Variants in LSAMP observed in about 807,000 individuals in gnomAD.
LSAMP encodes the protein limbic system associated membrane protein, also known as limbic system-associated membrane protein.
Under a neutral mutation model 38.6 loss-of-function variants are expected in LSAMP, and 7 were observed. The ratio of observed to expected loss-of-function variants is 0.18; its 90% CI spans 0.10 to 0.34. LSAMP has a LOEUF of 0.34. Among genes scored for constraint, LSAMP ranks in the 10% least tolerant of loss-of-function variants. LSAMP has a pLI of 1.00. For synonymous variants in LSAMP, 154 were observed against 166.8 expected (o/e 0.92, Z 0.59); for missense variants, 313 against 420.0 (o/e 0.75, Z 2.23).
At position 116,047,374 on chromosome 3, in the gene LSAMP, T is replaced by TA. The variant is rs71616339; in HGVS notation, c.389-27735dup. Among the ~76,000 whole-genome samples the TA allele has an allele frequency of 6.6e-3, 877 of 132,356 alleles. 5 individuals are homozygous for TA. The highest frequency in any genetic ancestry group is 0.031 in the South Asian group (121 of 3,878). The allele number at this position is 132,356 out of a possible 152,430, so 86.8% of individuals were successfully genotyped here. A position where few individuals can be genotyped will look rare whatever the true frequency, so the allele number is the denominator to read the frequency against. On this transcript the variant is annotated intron_variant, in intron 2 of 6. Coordinates refer to ENST00000490035, the MANE Select transcript of LSAMP (RefSeq NM_002338.5). ...TCTTTCTTAAAATACGAATCTAGTCTAAAAAAAAAAAAAAAACAAAACAAA... is the reference window on the plus strand; with the variant it reads ...TCTTTCTTAAAATACGAATCTAGTCTAAAAAAAAAAAAAAAAACAAAACAAA...
At chr3:116,201,382 C>G (rs1313892077) in intron 1 of LSAMP, among the ~76,000 whole-genome samples, 1 of 152,144 alleles carries the variant, frequency 6.6e-6, no homozygotes, top group Non-Finnish European at 1.5e-5. Context: ...GTGTCTTAGT[C>G]ACCTTTGTAC....
intron 3 of LSAMP, among the ~76,000 whole-genome samples, chr3:115,889,509 A>G (rs764491689): frequency 6.6e-6 from 1 of 151,916 alleles, no homozygotes; most frequent in Non-Finnish European, 1.5e-5. Context: ...GGCAAAACTG[A>G]TATTTCTAAT....
chr3:115,960,202 C>T (rs1481836821), intron 3 of LSAMP, among the ~76,000 whole-genome samples: 8 of 152,096 alleles, frequency 5.3e-5, no homozygotes, highest in Non-Finnish European at 1.2e-4. Context: ...GAGCCCTAAT[C>T]CAATATAACT....
At chr3:116,149,208 A>G (rs550275551) in intron 1 of LSAMP, among the ~76,000 whole-genome samples, 1 of 152,084 alleles carries the variant, frequency 6.6e-6, no homozygotes, top group Admixed American at 6.6e-5. Flanking sequence ...CCTGCAGTAT[A>G]GTTAGATTTT....
chr3:116,214,057 GTTC>G (rs1426215765), intron 1 of LSAMP, among the ~76,000 whole-genome samples: 2 of 152,168 alleles, frequency 1.3e-5, no homozygotes, highest in East Asian at 3.9e-4. Context: ...CATGTTAAGA[GTTC>G]TTATCACAAT....
chr3:115,883,980 G>T (rs1305173801), intron 3 of LSAMP, among the ~76,000 whole-genome samples: 1 of 152,014 alleles, frequency 6.6e-6, no homozygotes. Context: ...AACAATTACT[G>T]TGTATGATTA....
intron 1 of LSAMP, among the ~76,000 whole-genome samples, chr3:116,183,597 A>G (rs1276972823): frequency 1.3e-5 from 2 of 151,842 alleles, no homozygotes; most frequent in Non-Finnish European, 2.9e-5. Flanking sequence ...TTCTAAAATG[A>G]TGATAATGGT....
intron 1 of LSAMP, among the ~76,000 whole-genome samples, chr3:116,164,572 AATATATAT>A (rs201749997): frequency 2.0e-5 from 2 of 102,374 alleles, no homozygotes; most frequent in African/African-American, 4.2e-5. Context: ...CACTAATCCA[AATATATAT>A]ATATATATAT....
intron 1 of LSAMP, chr3:116,368,216 G>C (rs1324890970): frequency 6.6e-6 from 1 of 152,234 alleles, no homozygotes; most frequent in African/African-American, 2.4e-5. Flanking sequence ...AGAGGAGGAG[G>C]AGAATGCTCC....
chr3:116,118,474 T>A (rs1708802586), intron 1 of LSAMP, among the ~76,000 whole-genome samples: 1 of 152,214 alleles, frequency 6.6e-6, no homozygotes, highest in South Asian at 2.1e-4. Context: ...TCCAAAATTG[T>A]TTTTGCTGTG....
intron 1 of LSAMP, among the ~76,000 whole-genome samples, chr3:116,111,001 C>T (rs1159035373): frequency 6.6e-6 from 1 of 151,672 alleles, no homozygotes; most frequent in African/African-American, 2.4e-5. Flanking sequence ...CGGGGGGTCA[C>T]AAGGTGCTCA....
chr3:116,233,952 T>C (rs1870709), intron 1 of LSAMP, among the ~76,000 whole-genome samples: 109,082 of 152,084 alleles, frequency 0.72, 40,722 homozygotes, highest in South Asian at 0.84. Flanking sequence ...CTCCTGCTGA[T>C]TGGTTTGTAG....
At chr3:116,211,259 A>G (rs1439468050) in intron 1 of LSAMP, among the ~76,000 whole-genome samples, 1 of 152,216 alleles carries the variant, frequency 6.6e-6, no homozygotes, top group Non-Finnish European at 1.5e-5. Flanking sequence ...AATAAATCTA[A>G]GATACCTATT....
At chr3:115,941,982 G>A (rs1010796153) in intron 3 of LSAMP, among the ~76,000 whole-genome samples, 7 of 151,564 alleles carry the variant, frequency 4.6e-5, no homozygotes, top group African/African-American at 1.7e-4. Context: ...TATAATCTTT[G>A]TCAATTAGAT....
At chr3:116,340,952 A>G (rs899063414) in intron 1 of LSAMP, among the ~76,000 whole-genome samples, 7 of 152,024 alleles carry the variant, frequency 4.6e-5, no homozygotes, top group South Asian at 2.1e-4. Flanking sequence ...GATGACCTCT[A>G]TATGTATCAT....
intron 1 of LSAMP, among the ~76,000 whole-genome samples, chr3:116,322,418 A>T (rs982448776): frequency 2.0e-5 from 3 of 152,210 alleles, no homozygotes; most frequent in Non-Finnish European, 1.5e-5. Context: ...AACATTTTTT[A>T]AAAATAGATT....
intron 1 of LSAMP, among the ~76,000 whole-genome samples, chr3:116,300,708 A>C (rs2047395263): frequency 1.3e-5 from 2 of 152,164 alleles, no homozygotes; most frequent in South Asian, 2.1e-4. Flanking sequence ...GTTTCATCCC[A>C]AAACCACTCC....
chr3:116,314,269 G>A (rs551875481), intron 1 of LSAMP, among the ~76,000 whole-genome samples: 12 of 152,182 alleles, frequency 7.9e-5, no homozygotes, highest in Non-Finnish European at 1.3e-4. Context: ...ACATCAGATC[G>A]CTAATTTGCG....
intron 1 of LSAMP, among the ~76,000 whole-genome samples, chr3:116,419,619 T>A (rs1290797089): frequency 6.6e-6 from 1 of 152,148 alleles, no homozygotes; most frequent in Admixed American, 6.6e-5. Flanking sequence ...AAAGCAGTAA[T>A]CTTTTTTTAA....
Sources: allele counts gnomAD v4.1 joint callset (sites outside exome capture counted in the v4.1 genomes callset), GRCh38; gene constraint gnomAD v4.1.1; transcripts MANE v1.5; gene names NCBI Gene and HGNC (gene_info 2026-07-23, HGNC 2026-07-21).